The following DTNA variants were observed in gnomAD, a reference collection of about 807,000 sequenced individuals.
DTNA encodes the protein dystrobrevin alpha.
Under a neutral mutation model 100.7 loss-of-function variants are expected in DTNA, and 43 were observed. The ratio of observed to expected loss-of-function variants is 0.43; its 90% CI spans 0.33 to 0.55. DTNA has a LOEUF of 0.55. Among genes scored for constraint, DTNA ranks in the 20% least tolerant of loss-of-function variants. DTNA has a pLI of 0.04. For missense variants in DTNA, 798 were observed against 953.9 expected (o/e 0.84, Z 2.15); for synonymous variants, 349 against 347.9 (o/e 1.00, Z -0.04).
chr18:34,716,532 C>T (rs1053537711), intron 1 of DTNA, among the ~76,000 whole-genome samples: 1 of 152,052 alleles, frequency 6.6e-6, no homozygotes, highest in Non-Finnish European at 1.5e-5. Flanking sequence ...CATTGTACTC[C>T]GGCCTGGGCA....
intron 1 of DTNA, among the ~76,000 whole-genome samples, chr18:34,726,696 C>G (rs925772025): frequency 4.6e-5 from 7 of 152,240 alleles, no homozygotes; most frequent in African/African-American, 1.7e-4. Flanking sequence ...ATCTCCACCT[C>G]CATGGCTATG....
intron 2 of DTNA, among the ~76,000 whole-genome samples, chr18:34,760,790 G>A (rs1173530510): frequency 1.3e-5 from 2 of 152,176 alleles, no homozygotes; most frequent in African/African-American, 4.8e-5. Context: ...AGAGTCTCCT[G>A]TTGGCAATCT....
intron 1 of DTNA, among the ~76,000 whole-genome samples, chr18:34,657,490 T>C (rs2074558394): frequency 6.6e-6 from 1 of 152,256 alleles, no homozygotes; most frequent in Admixed American, 6.5e-5. Context: ...AATCTATTTT[T>C]ATTTATCATG....
intron 1 of DTNA, among the ~76,000 whole-genome samples, chr18:34,725,472 A>T (rs2086432894): frequency 6.7e-6 from 1 of 148,188 alleles, no homozygotes; most frequent in Non-Finnish European, 1.5e-5. Flanking sequence ...GAAGACATTT[A>T]TGCAGCCAGC....
In DTNA at chr18:34,511,515, G is replaced by A. The variant is rs763651797; in HGVS notation, c.-2+18001G>A. 2.6e-5 allele frequency among the ~76,000 whole-genome samples: 4 copies of A among 152,032 alleles called. No individual in the cohort carries two copies. The South Asian group carries it at 8.3e-4, about 31-fold the overall frequency. On this transcript the variant is annotated intron_variant, in intron 1 of 19. Coordinates refer to the DTNA transcript ENST00000283365. The stretch of plus-strand genomic sequence containing the variant: ...TAACTTGAGAGTTGGCTGGGCCTTA[G>A]CATCTAAGTAAGCAATCAAATGGGG...
At chr18:34,821,480 G>C (rs995145469) in intron 9 of DTNA, 5 of 456,300 alleles carry the variant, frequency 1.1e-5, no homozygotes, top group Non-Finnish European at 1.3e-5. Context: ...AAGTATGTGT[G>C]AGTTTCGTGG....
chr18:34,876,100 C>A (rs2096814531), intron 18 of DTNA, among the ~76,000 whole-genome samples: 1 of 152,188 alleles, frequency 6.6e-6, no homozygotes, highest in South Asian at 2.1e-4. Context: ...GAAGTAACCA[C>A]TATTAACAGT....
chr18:34,740,746 T>C (rs1198691946), intron 1 of DTNA, among the ~76,000 whole-genome samples: 1 of 151,570 alleles, frequency 6.6e-6, no homozygotes, highest in Non-Finnish European at 1.5e-5. Flanking sequence ...CAATGAACTA[T>C]AATCACACCT....
At position 34,845,273 on chromosome 18, in the gene DTNA, G is replaced by T. The variant is rs190350291; in HGVS notation, c.1347-3023G>T. 9.2e-5 allele frequency among the ~76,000 whole-genome samples: 14 copies of T among 152,154 alleles called. No homozygotes were observed. The East Asian group carries it at 2.5e-3, about 27-fold the overall frequency. ...ACAAAGGGGTAATATTATCACACAG[G>T]CCCTCATTCACTCAGTGCTGGGGGA... On this transcript the variant is annotated intron_variant, in intron 13 of 22. Transcript: ENST00000444659.
At chr18:34,823,572 C>T (rs1201332688) in intron 9 of DTNA, among the ~76,000 whole-genome samples, 1 of 152,180 alleles carries the variant, frequency 6.6e-6, no homozygotes, top group Admixed American at 6.5e-5. Context: ...TAGTAAGACA[C>T]TTTATCATTG....
In DTNA at chr18:34,538,872, C is replaced by T. The variant is rs536057894; in HGVS notation, c.-2+45358C>T. ...TCTTCCTAAGAACAAAGAGCAAAAG[C>T]AGAATCCACACAGGAAAATTTTGTC... On this transcript the variant is annotated intron_variant, in intron 1 of 19. Coordinates refer to the DTNA transcript ENST00000283365. 3.3e-5 allele frequency among the ~76,000 whole-genome samples: 5 copies of T among 151,982 alleles called. No homozygotes were observed. In the South Asian group the frequency reaches 1.0e-3, roughly 31 times the overall value.
intron 2 of DTNA, among the ~76,000 whole-genome samples, chr18:34,765,483 A>G (rs1216298008): frequency 2.0e-5 from 3 of 152,210 alleles, no homozygotes; most frequent in Admixed American, 2.0e-4. Flanking sequence ...CCCATCTTCC[A>G]AGTGAGAAAA....
chr18:34,811,623 C>T (rs1373598194), intron 5 of DTNA, among the ~76,000 whole-genome samples: 1 of 152,106 alleles, frequency 6.6e-6, no homozygotes, highest in Non-Finnish European at 1.5e-5. Context: ...CTCATATATA[C>T]AAAAATTTCT....
At chr18:34,515,997 A>T (rs1488425428) in intron 1 of DTNA, among the ~76,000 whole-genome samples, 1 of 152,176 alleles carries the variant, frequency 6.6e-6, no homozygotes, top group East Asian at 1.9e-4. Flanking sequence ...CTAAGGGTCA[A>T]GACCTTTTAG....
intron 1 of DTNA, among the ~76,000 whole-genome samples, chr18:34,741,254 A>G (rs761302148): frequency 2.0e-5 from 3 of 152,138 alleles, no homozygotes; most frequent in Non-Finnish European, 4.4e-5. Context: ...TTGGCTAGCT[A>G]GCTACTTTTA....
intron 15 of DTNA, among the ~76,000 whole-genome samples, chr18:34,857,712 GAA>G (rs917107370): frequency 2.0e-5 from 3 of 147,218 alleles, no homozygotes; most frequent in East Asian, 4.0e-4. Context: ...AGAGATTTAA[GAA>G]AAAAAAAAGA....
chr18:34,725,223 A>T (rs1953867390), intron 1 of DTNA, among the ~76,000 whole-genome samples: 1 of 152,222 alleles, frequency 6.6e-6, no homozygotes, highest in African/African-American at 2.4e-5. Flanking sequence ...AAGCAATGAC[A>T]ACAAAAGGCA....
intron 4 of DTNA, among the ~76,000 whole-genome samples, chr18:34,798,462 A>G (rs1018185086): frequency 6.6e-6 from 1 of 151,998 alleles, no homozygotes; most frequent in Admixed American, 6.6e-5. Context: ...TGGTGATCCT[A>G]TTTTTACAAA....
At chr18:34,725,782 T>C (rs1343665960) in intron 1 of DTNA, among the ~76,000 whole-genome samples, 4 of 152,152 alleles carry the variant, frequency 2.6e-5, no homozygotes, top group African/African-American at 9.7e-5. Context: ...CATTCTACTA[T>C]AAAGACACAT....
Sources: gnomAD v4.1 joint callset for allele counts (sites outside exome capture counted in the v4.1 genomes callset) on GRCh38, gnomAD v4.1.1 for gene constraint, MANE v1.5 for transcripts, NCBI Gene and HGNC (gene_info 2026-07-23, HGNC 2026-07-21) for gene names.